Variants in CTNNA3 observed in about 807,000 individuals in gnomAD.
CTNNA3 encodes the protein catenin alpha-3.
A neutral mutation model predicts 95.7 loss-of-function variants in CTNNA3; 76 were observed. That is an observed-to-expected ratio of 0.79 (90% CI 0.66 to 0.96). CTNNA3 has a LOEUF of 0.96. Ranked by LOEUF, CTNNA3 falls within the 40% of genes least tolerant of loss-of-function variation. The pLI is 0.00. For synonymous variants in CTNNA3, 431 were observed against 374.4 expected (o/e 1.15, Z -1.74); for missense variants, 1,191 against 1,089.8 (o/e 1.09, Z -1.31).
chr10:67,310,898 C>A (rs996624043), intron 5 of CTNNA3, among the ~76,000 whole-genome samples: 29 of 152,148 alleles, frequency 1.9e-4, no homozygotes, highest in African/African-American at 6.8e-4. Flanking sequence ...CAAAACATAT[C>A]AACCACTTTA....
chr10:67,739,439 G>C (rs1435785449), intron 1 of CTNNA3, among the ~76,000 whole-genome samples: 7 of 152,246 alleles, frequency 4.6e-5, no homozygotes, highest in Middle Eastern at 6.8e-3. Flanking sequence ...TCCTTAAGCT[G>C]ATAAGCAACT....
chr10:66,073,133 G>A (rs1269001216), intron 14 of CTNNA3, among the ~76,000 whole-genome samples: 1 of 152,038 alleles, frequency 6.6e-6, no homozygotes, highest in African/African-American at 2.4e-5. Context: ...GTGGGGGAGG[G>A]GGTTTGAGAA....
At chr10:66,271,612 C>A (rs1270561830) in intron 13 of CTNNA3, among the ~76,000 whole-genome samples, 1 of 152,182 alleles carries the variant, frequency 6.6e-6, no homozygotes. Context: ...ACAATGTTAG[C>A]CATTTCCCCT....
intron 11 of CTNNA3, among the ~76,000 whole-genome samples, chr10:66,431,276 G>T (rs538482308): frequency 4.1e-4 from 62 of 152,254 alleles, no homozygotes; most frequent in African/African-American, 1.4e-3. Context: ...GGAGAAATAG[G>T]AACACTTTTA....
chr10:67,404,380 G>GA, intron 5 of CTNNA3, among the ~76,000 whole-genome samples: 1 of 151,832 alleles, frequency 6.6e-6, no homozygotes, highest in South Asian at 2.1e-4. Context: ...TGATAGAGCT[G>GA]AAAAAAACAC....
chr10:66,864,906 G>A (rs1844103750), intron 7 of CTNNA3, among the ~76,000 whole-genome samples: 1 of 151,976 alleles, frequency 6.6e-6, no homozygotes, highest in Non-Finnish European at 1.5e-5. Flanking sequence ...AAAAATGATT[G>A]TTATATTAAA....
intron 5 of CTNNA3, among the ~76,000 whole-genome samples, chr10:67,310,465 CAG>C (rs1242373395): frequency 6.6e-6 from 1 of 152,142 alleles, no homozygotes; most frequent in Non-Finnish European, 1.5e-5. Flanking sequence ...AAAATCAACA[CAG>C]ACTCATTCAT....
chr10:66,196,920 C>G (rs997052043), intron 13 of CTNNA3, among the ~76,000 whole-genome samples: 3 of 152,134 alleles, frequency 2.0e-5, no homozygotes, highest in African/African-American at 7.2e-5. Flanking sequence ...ACAGATGAAG[C>G]TGAGTAAATC....
At chr10:66,837,140 A>T (rs1202827458) in intron 7 of CTNNA3, among the ~76,000 whole-genome samples, 1 of 152,126 alleles carries the variant, frequency 6.6e-6, no homozygotes, top group Non-Finnish European at 1.5e-5. Context: ...TCTTGCCTTA[A>T]ATTTACTTAT....
intron 5 of CTNNA3, among the ~76,000 whole-genome samples, chr10:67,420,011 C>T (rs1352441384): frequency 2.6e-5 from 4 of 152,138 alleles, no homozygotes; most frequent in African/African-American, 7.2e-5. Context: ...ACCACCATGC[C>T]CAGCTAATTT....
At chr10:66,951,171 A>C (rs2132721346) in intron 7 of CTNNA3, among the ~76,000 whole-genome samples, 1 of 149,866 alleles carries the variant, frequency 6.7e-6, no homozygotes, top group South Asian at 2.1e-4. Flanking sequence ...GGAGTGCTGG[A>C]GTGGCGTGAT....
intron 13 of CTNNA3, among the ~76,000 whole-genome samples, chr10:66,237,899 T>G (rs919715843): frequency 6.6e-6 from 1 of 152,140 alleles, no homozygotes; most frequent in Non-Finnish European, 1.5e-5. Context: ...CCCAAATTCT[T>G]GCATCTGTGG....
intron 17 of CTNNA3, among the ~76,000 whole-genome samples, chr10:65,944,754 A>G (rs2077483027): frequency 6.6e-6 from 1 of 152,198 alleles, no homozygotes; most frequent in East Asian, 1.9e-4. Context: ...ATTAAATGGT[A>G]CAAAGGGGAG....
intron 1 of CTNNA3, among the ~76,000 whole-genome samples, chr10:67,726,247 T>C (rs1417968660): frequency 1.0e-5 from 1 of 98,868 alleles, no homozygotes; most frequent in Non-Finnish European, 1.7e-5. Flanking sequence ...TTATATATTA[T>C]ATATAATATT....
intron 7 of CTNNA3, among the ~76,000 whole-genome samples, chr10:66,827,175 G>A (rs1048372038): frequency 5.3e-5 from 8 of 152,014 alleles, no homozygotes; most frequent in East Asian, 1.9e-4. Context: ...CGTCCATCCC[G>A]CATTCAGAAG....
chr10:66,684,635 G>T (rs1364535855), intron 9 of CTNNA3, among the ~76,000 whole-genome samples: 1 of 152,058 alleles, frequency 6.6e-6, no homozygotes, highest in Non-Finnish European at 1.5e-5. Flanking sequence ...AACTTCTCAG[G>T]AGAAGTGATA....
chr10:66,551,896 CTTTTTTTTTTTT>C (rs141885331), intron 10 of CTNNA3, among the ~76,000 whole-genome samples: 1 of 113,964 alleles, frequency 8.8e-6, no homozygotes, highest in Admixed American at 1.0e-4. Context: ...TTTTCTTTTC[CTTTTTTTTTTTT>C]TTTTTTTTTT....
intron 3 of CTNNA3, among the ~76,000 whole-genome samples, chr10:67,560,142 C>A (rs983037233): frequency 6.6e-6 from 1 of 152,136 alleles, no homozygotes; most frequent in South Asian, 2.1e-4. Context: ...GAGAACACCA[C>A]AAAGATACTC....
chr10:67,556,693 T>C (rs1379029250), intron 3 of CTNNA3, among the ~76,000 whole-genome samples: 1 of 152,208 alleles, frequency 6.6e-6, no homozygotes, highest in African/African-American at 2.4e-5. Flanking sequence ...TGTTGATCTT[T>C]TCAAAAAACC....
Sources: allele counts gnomAD v4.1 joint callset (sites outside exome capture counted in the v4.1 genomes callset), GRCh38; gene constraint gnomAD v4.1.1; transcripts MANE v1.5; gene names NCBI Gene and HGNC (gene_info 2026-07-23, HGNC 2026-07-21).